The following PCDHGA3 variants were observed in gnomAD, a reference collection of about 807,000 sequenced individuals.
PCDHGA3 encodes the protein protocadherin gamma-A3.
A neutral mutation model predicts 58.5 loss-of-function variants in PCDHGA3; 40 were observed. The ratio of observed to expected loss-of-function variants is 0.68; its 90% CI spans 0.53 to 0.89. The LOEUF (loss-of-function observed/expected upper bound fraction) is 0.89, where lower values mean the gene tolerates loss of function less well. Ranked by LOEUF, PCDHGA3 falls within the 40% of genes least tolerant of loss-of-function variation. The pLI, the probability that PCDHGA3 is intolerant of heterozygous loss-of-function variation, is 0.00. For synonymous variants in PCDHGA3, 530 were observed against 525.7 expected (o/e 1.01, Z -0.11); for missense variants, 1,223 against 1,195.9 (o/e 1.02, Z -0.33).
At chr5:141,428,100 G>A (rs1313410784) in intron 1 of PCDHGA3, 6 of 1,608,582 alleles carry the variant, frequency 3.7e-6, no homozygotes, top group East Asian at 2.2e-5. Context: ...GTCCTACCAC[G>A]TGCTGCAGGC....
intron 1 of PCDHGA3, among the ~76,000 whole-genome samples, chr5:141,456,902 G>A (rs886945444): frequency 6.6e-6 from 1 of 152,294 alleles, no homozygotes; most frequent in South Asian, 2.1e-4. Flanking sequence ...GGCAGAGGTT[G>A]CAGTGAGCCG....
intron 1 of PCDHGA3, among the ~76,000 whole-genome samples, chr5:141,471,995 TG>T: frequency 6.6e-6 from 1 of 152,322 alleles, no homozygotes; most frequent in East Asian, 1.9e-4. Context: ...TAAAAATCCC[TG>T]CATCGTATAG....
chr5:141,484,959 C>A, intron 1 of PCDHGA3: 2 of 575,576 alleles, frequency 3.5e-6, no homozygotes, highest in Non-Finnish European at 6.2e-6. Flanking sequence ...ATTGGCTGAG[C>A]CCGGGAGCCG....
chr5:141,413,170 A>G, intron 1 of PCDHGA3: 1 of 1,595,602 alleles, frequency 6.3e-7, no homozygotes, highest in Non-Finnish European at 8.5e-7. Flanking sequence ...CTGTAACCAG[A>G]CTACAATGGC....
At chr5:141,407,910 G>A in intron 1 of PCDHGA3, 1 of 428,786 alleles carries the variant, frequency 2.3e-6, no homozygotes, top group Non-Finnish European at 4.1e-6. Flanking sequence ...GAAAAACCGG[G>A]CTGCTGTCCC....
chr5:141,428,443 G>T (rs1004000862), intron 1 of PCDHGA3: 5 of 383,870 alleles, frequency 1.3e-5, no homozygotes, highest in Non-Finnish European at 2.0e-5. Context: ...TAGACCAGGG[G>T]TTTTTCCCAA....
chr5:141,366,705 T>C, intron 1 of PCDHGA3: 2 of 1,614,234 alleles, frequency 1.2e-6, no homozygotes, highest in East Asian at 2.2e-5. Context: ...GAGCCTCTTC[T>C]GATGTCTGAT....
intron 3 of PCDHGA3, among the ~76,000 whole-genome samples, chr5:141,509,419 T>C (rs2154594533): frequency 6.6e-6 from 1 of 152,216 alleles, no homozygotes; most frequent in South Asian, 2.1e-4. Flanking sequence ...CGAGCCCCAA[T>C]GAGTCAAACT....
intron 1 of PCDHGA3, chr5:141,374,786 G>A (rs1476058358): frequency 1.2e-6 from 2 of 1,613,912 alleles, no homozygotes; most frequent in Admixed American, 1.7e-5. Flanking sequence ...AGTTCTAGAT[G>A]TGAATGACAA....
intron 1 of PCDHGA3, among the ~76,000 whole-genome samples, chr5:141,470,205 G>T (rs934926584): frequency 6.6e-6 from 1 of 152,094 alleles, no homozygotes; most frequent in Non-Finnish European, 1.5e-5. Flanking sequence ...AAATATGAAG[G>T]CTAAACCATT....
chr5:141,374,303 C>G (rs373167574), intron 1 of PCDHGA3: 2 of 1,613,938 alleles, frequency 1.2e-6, no homozygotes, highest in Admixed American at 1.7e-5. Context: ...TAGGATGCAG[C>G]TTTTCTCTCT....
intron 2 of PCDHGA3, among the ~76,000 whole-genome samples, chr5:141,504,926 TGGTG>T (rs1312481961): frequency 1.3e-5 from 2 of 151,946 alleles, no homozygotes; most frequent in Non-Finnish European, 2.9e-5. Context: ...GGCTCTCTCA[TGGTG>T]GGTGGGGGAA....
At chr5:141,501,146 T>C (rs2299023) in intron 2 of PCDHGA3, among the ~76,000 whole-genome samples, 88,663 of 152,012 alleles carry the variant, frequency 0.58, 27,355 homozygotes, top group African/African-American at 0.78. Context: ...GGATTACAGG[T>C]GGGAGCCACC....
chr5:141,429,232 G>T (rs938585192), intron 1 of PCDHGA3: 2 of 151,668 alleles, frequency 1.3e-5, no homozygotes, highest in Non-Finnish European at 2.9e-5. Flanking sequence ...TTATGATACT[G>T]CTGTCATTGA....
rs978973236 is a variant in PCDHGA3, at chr5:141,399,545, C to G, written c.2424+53088C>G. 8 of 1,614,050 alleles carry G rather than the reference C, an allele frequency of 5.0e-6. No homozygotes were observed. In the South Asian group the frequency reaches 6.6e-5, roughly 13 times the overall value. ...GCCTCCATCGCGCAAGTCTGCGCCT[C>G]GGACCTGGACTTGGGGTTGAACGGC... On this transcript the variant is annotated intron_variant, in intron 1 of 3. Transcript: ENST00000253812.
intron 1 of PCDHGA3, chr5:141,393,472 C>A: frequency 6.2e-7 from 1 of 1,614,024 alleles, no homozygotes; most frequent in Non-Finnish European, 8.5e-7. Context: ...GGCGGCAAGC[C>A]GCCTCGCTCT....
chr5:141,418,819 A>T (rs1285247926), intron 1 of PCDHGA3: 1 of 1,613,868 alleles, frequency 6.2e-7, no homozygotes, highest in African/African-American at 1.3e-5. Context: ...TAAACATAGA[A>T]GCAAAAGACC....
Position 141,487,568 on chromosome 5 carries a change from C to G in PCDHGA3, c.2425-7239C>G, listed in dbSNP as rs752378906. The G allele has an allele frequency of 1.9e-6, 3 of 1,614,180 alleles. No homozygotes were observed. Among genetic ancestry groups the G allele is most frequent in the Non-Finnish European group, 2.5e-6 (3 of 1,180,042 alleles). ...ACCCAGTGCACCTATGGCAGGGGAG[C>G]CTGTTCGCCCAAGCTGCCCACCCTC... On this transcript the variant is annotated intron_variant, in intron 1 of 3. Transcript: ENST00000253812. This position sits in a 1 kb window ranked among gnomAD's most constrained non-coding sequence, Gnocchi z 5.0.
intron 1 of PCDHGA3, chr5:141,424,091 G>A: frequency 1.1e-6 from 1 of 879,778 alleles, no homozygotes; most frequent in Non-Finnish European, 1.4e-6. Context: ...ACCATTATTT[G>A]CTATTACTGC....
Sources: allele counts gnomAD v4.1 joint callset (sites outside exome capture counted in the v4.1 genomes callset), GRCh38; gene constraint gnomAD v4.1.1; non-coding constraint Gnocchi (gnomAD v3.1); transcripts MANE v1.5; gene names NCBI Gene and HGNC (gene_info 2026-07-23, HGNC 2026-07-21).